Variants in SYNDIG1 observed in about 807,000 individuals in gnomAD.
The protein encoded by SYNDIG1 is synapse differentiation-inducing gene protein 1.
SYNDIG1 carries 9 observed loss-of-function variants against 19.4 expected under a neutral mutation model. The observed-to-expected ratio is 0.46, with a 90% CI of 0.28 to 0.81. The LOEUF is 0.81. Ranked by LOEUF, SYNDIG1 falls within the 30% of genes least tolerant of loss-of-function variation. The pLI, the probability that SYNDIG1 is intolerant of heterozygous loss-of-function variation, is 0.12. For missense variants in SYNDIG1, 311 were observed against 343.3 expected, an observed-to-expected ratio of 0.91 and a Z score of 0.74; for synonymous variants, 141 against 145.9, an observed-to-expected ratio of 0.97 and a Z score of 0.24.
At chr20:24,540,557 T>G (rs2057449093) in intron 1 of SYNDIG1, among the ~76,000 whole-genome samples, 3 of 152,338 alleles carry the variant, frequency 2.0e-5, no homozygotes, top group Non-Finnish European at 2.9e-5. Context: ...ATTCCTAGTT[T>G]GTTTCATGTT....
At chr20:24,583,036 T>G (rs1287226747) in intron 2 of SYNDIG1, among the ~76,000 whole-genome samples, 1 of 152,250 alleles carries the variant, frequency 6.6e-6, no homozygotes, top group African/African-American at 2.4e-5. Context: ...ATTGTTGGAC[T>G]GATCCCATGA....
At chr20:24,592,681 A>G (rs573491527) in intron 3 of SYNDIG1, among the ~76,000 whole-genome samples, 16 of 152,192 alleles carry the variant, frequency 1.1e-4, no homozygotes, top group Non-Finnish European at 1.9e-4. Flanking sequence ...CGGCACGATC[A>G]TGGCTCACTG....
rs1021873215 is a variant in SYNDIG1, at chr20:24,490,306, A to G, written c.-79+20553A>G. 2.6e-5 allele frequency among the ~76,000 whole-genome samples: 4 copies of G among 152,144 alleles called. No homozygotes were observed. The South Asian group carries it at 6.2e-4, about 24-fold the overall frequency. On this transcript the variant is annotated intron_variant, in intron 1 of 3. Coordinates refer to ENST00000376862, the MANE Select transcript of SYNDIG1 (RefSeq NM_024893.3). ...TCTTGATTTTTATTTATAGAGAGCT[A>G]TTTCACCTAAAATAGCAGTTATGCC...
intron 3 of SYNDIG1, among the ~76,000 whole-genome samples, chr20:24,608,926 G>T (rs924239545): frequency 6.6e-6 from 1 of 152,178 alleles, no homozygotes; most frequent in African/African-American, 2.4e-5. Flanking sequence ...CAGTAATTTT[G>T]TGTGTCTGGA....
At chr20:24,495,219 G>T (rs1006657529) in intron 1 of SYNDIG1, among the ~76,000 whole-genome samples, 15 of 152,198 alleles carry the variant, frequency 9.9e-5, no homozygotes, top group Admixed American at 9.8e-4. Flanking sequence ...AGGGAGGGTG[G>T]ATTTCTTGTC....
chr20:24,568,750 C>T (rs2058093880), intron 2 of SYNDIG1, among the ~76,000 whole-genome samples: 1 of 152,192 alleles, frequency 6.6e-6, no homozygotes. Context: ...AAGAGGTAGT[C>T]ACAGCATTTG....
intron 2 of SYNDIG1, among the ~76,000 whole-genome samples, chr20:24,565,066 C>T (rs1441541466): frequency 2.6e-5 from 4 of 152,302 alleles, no homozygotes; most frequent in Middle Eastern, 3.4e-3. Context: ...CCCCTTGATA[C>T]GGTTCATCTG....
chr20:24,511,451 C>T (rs1600481721), intron 1 of SYNDIG1, among the ~76,000 whole-genome samples: 3 of 152,310 alleles, frequency 2.0e-5, no homozygotes, highest in Admixed American at 2.0e-4. Context: ...CCTCACTGAA[C>T]TGATGGGCAG....
At chr20:24,482,145 TAAGA>T (rs1178858928) in intron 1 of SYNDIG1, among the ~76,000 whole-genome samples, 2 of 152,178 alleles carry the variant, frequency 1.3e-5, no homozygotes, top group African/African-American at 4.8e-5. Flanking sequence ...TGGAAATGAC[TAAGA>T]AAGAAATACA....
intron 1 of SYNDIG1, among the ~76,000 whole-genome samples, chr20:24,530,009 A>ATGGTGGTG (rs1568614830): frequency 1.0e-3 from 10 of 9,830 alleles, no homozygotes; most frequent in Admixed American, 2.2e-3. Flanking sequence ...TGGTGGGGAT[A>ATGGTGGTG]ATGATGGTGA....
intron 2 of SYNDIG1, among the ~76,000 whole-genome samples, chr20:24,574,187 C>T (rs540201751): frequency 6.6e-5 from 10 of 152,130 alleles, no homozygotes; most frequent in South Asian, 2.1e-4. Flanking sequence ...CTCAAGAATG[C>T]GTTTGTTAGG....
At chr20:24,519,028 A>C (rs1322479187) in intron 1 of SYNDIG1, among the ~76,000 whole-genome samples, 1 of 152,204 alleles carries the variant, frequency 6.6e-6, no homozygotes, top group South Asian at 2.1e-4. Context: ...TCAAGAGCAA[A>C]TGGCCCCAGG....
intron 1 of SYNDIG1, among the ~76,000 whole-genome samples, chr20:24,479,242 C>G (rs2055725502): frequency 6.6e-6 from 1 of 152,118 alleles, no homozygotes; most frequent in Non-Finnish European, 1.5e-5. Flanking sequence ...GACTTGGGAG[C>G]CCCGTCCTGA....
At chr20:24,599,135 C>G (rs548201236) in intron 3 of SYNDIG1, among the ~76,000 whole-genome samples, 3 of 152,082 alleles carry the variant, frequency 2.0e-5, no homozygotes, top group African/African-American at 7.2e-5. Context: ...ATTCAAACAA[C>G]AGGAAAAAAA....
chr20:24,478,918 G>A (rs2055711929), intron 1 of SYNDIG1, among the ~76,000 whole-genome samples: 3 of 152,238 alleles, frequency 2.0e-5, no homozygotes, highest in African/African-American at 7.2e-5. Flanking sequence ...CCGCAGGACA[G>A]CAGGTCGACT....
At chr20:24,662,682 A>G (rs2059614739) in intron 3 of SYNDIG1, among the ~76,000 whole-genome samples, 1 of 152,256 alleles carries the variant, frequency 6.6e-6, no homozygotes, top group South Asian at 2.1e-4. Context: ...AGGTGCAGGC[A>G]CTGGGCACTG....
At chr20:24,512,695 C>T (rs577140197) in intron 1 of SYNDIG1, among the ~76,000 whole-genome samples, 34 of 152,240 alleles carry the variant, frequency 2.2e-4, no homozygotes, top group African/African-American at 6.3e-4. Context: ...ACTCCACCTC[C>T]GGGGGCAGGG....
intron 2 of SYNDIG1, among the ~76,000 whole-genome samples, chr20:24,549,605 C>A (rs146122358): frequency 2.0e-5 from 3 of 152,314 alleles, no homozygotes; most frequent in African/African-American, 7.2e-5. Context: ...TGGGTGACTG[C>A]AACCCCACTG....
rs1443363242 is a variant in SYNDIG1, at chr20:24,581,774, G to GT, written c.481-3080dup. Among the ~76,000 whole-genome samples, 5 of 150,262 alleles carry GT rather than the reference G, an allele frequency of 3.3e-5. No homozygotes were observed. The East Asian group carries it at 5.9e-4, about 18-fold the overall frequency. On this transcript the variant is annotated intron_variant, in intron 2 of 3. Transcript: ENST00000376862. The stretch of plus-strand genomic sequence containing the variant: ...TTCCTCCATGTTGCATGTGCTCCAT[G>GT]TTGCACATCCTCCCCGCTGCATGTC...
Sources: gnomAD v4.1 joint callset for allele counts (sites outside exome capture counted in the v4.1 genomes callset) on GRCh38, gnomAD v4.1.1 for gene constraint, MANE v1.5 for transcripts, NCBI Gene and HGNC (gene_info 2026-07-23, HGNC 2026-07-21) for gene names.